The following DEK variants were observed in gnomAD, a reference collection of about 807,000 sequenced individuals.
DEK encodes the protein protein DEK.
DEK carries 28 observed loss-of-function variants against 46.8 expected under a neutral mutation model. The observed-to-expected ratio is 0.60, with a 90% CI of 0.44 to 0.82. DEK has a LOEUF of 0.82. DEK is among the 40% of genes least tolerant of loss of function. DEK has a pLI of 0.00. For synonymous variants in DEK, 160 were observed against 144.5 expected, an observed-to-expected ratio of 1.11 and a Z score of -0.77; for missense variants, 416 against 430.6, an observed-to-expected ratio of 0.97 and a Z score of 0.30.
At chr6:18,246,398 T>C (rs1791116416) in intron 7 of DEK, among the ~76,000 whole-genome samples, 1 of 152,192 alleles carries the variant, frequency 6.6e-6, no homozygotes, top group South Asian at 2.1e-4. Context: ...TTTATTTAAT[T>C]ACAAGGAAAA....
At chr6:18,255,980 A>G (rs1029348158) in intron 5 of DEK, 129 bp from the exon 6 acceptor site, 77 of 1,069,728 alleles carry the variant, frequency 7.2e-5, no homozygotes, top group Non-Finnish European at 8.1e-5. Context: ...CAATGCTTCT[A>G]TGAATCTTTT....
At position 18,225,651 on chromosome 6, in the gene DEK, T is replaced by C; in HGVS notation, c.*68A>G. 6.5e-7 allele frequency: 1 copy of C among 1,531,156 alleles called. No homozygotes were observed. The highest frequency in any genetic ancestry group is 1.2e-5 in the South Asian group (1 of 82,956). 94.8% of individuals were successfully genotyped at this position (1,531,156 alleles called of 1,614,324 possible). A position where few individuals can be genotyped will look rare whatever the true frequency, so the allele number is the denominator to read the frequency against. On this transcript the variant is annotated 3_prime_UTR_variant, in exon 11 of 11. Coordinates refer to ENST00000652689, the MANE Select transcript of DEK (RefSeq NM_003472.4). ...TTTAGAAAAGGAAATACATTCTCTTTGCTGGTATAATGGTATAAATCAGAT... is the reference window on the plus strand; with the variant it reads ...TTTAGAAAAGGAAATACATTCTCTTCGCTGGTATAATGGTATAAATCAGAT...
chr6:18,236,642 A>G (rs1425917944), intron 8 of DEK, 42 bp from the exon 9 acceptor site: 3 of 1,282,594 alleles, frequency 2.3e-6, no homozygotes, highest in African/African-American at 3.2e-5. Context: ...TACATAGTAA[A>G]TTAACATTTA....
At chr6:18,226,533 C>A (rs944185971) in intron 9 of DEK, among the ~76,000 whole-genome samples, 35 of 152,254 alleles carry the variant, frequency 2.3e-4, no homozygotes, top group African/African-American at 8.4e-4. Context: ...AATTCCAACA[C>A]TCTGGGAAAC....
intron 7 of DEK, among the ~76,000 whole-genome samples, chr6:18,248,671 T>C (rs923220164): frequency 6.6e-6 from 1 of 152,144 alleles, no homozygotes; most frequent in East Asian, 1.9e-4. Context: ...AAGACAAACA[T>C]ACATACTAAA....
intron 2 of DEK, among the ~76,000 whole-genome samples, chr6:18,261,825 A>T (rs1160806734): frequency 6.6e-6 from 1 of 152,182 alleles, no homozygotes; most frequent in Non-Finnish European, 1.5e-5. Context: ...TTAATGCTGA[A>T]ACAAGACCGG....
At position 18,252,880 on chromosome 6, in the gene DEK, C is replaced by T. The variant is rs566492844; in HGVS notation, c.573+2851G>A. 2.1e-4 allele frequency among the ~76,000 whole-genome samples: 32 copies of T among 152,274 alleles called. No individual in the cohort carries two copies. The Middle Eastern group carries it at 0.017, about 81-fold the overall frequency. On this transcript the variant is annotated intron_variant, in intron 6 of 10. Transcript: ENST00000652689. ...TGTATTCCTCACAACCACACACCAGCAGAAACAAACAAGGCAAATGGTTTC... is the reference window on the plus strand; with the variant it reads ...TGTATTCCTCACAACCACACACCAGTAGAAACAAACAAGGCAAATGGTTTC...
At chr6:18,245,478 T>G (rs1791071733) in intron 7 of DEK, among the ~76,000 whole-genome samples, 1 of 151,960 alleles carries the variant, frequency 6.6e-6, no homozygotes, top group Non-Finnish European at 1.5e-5. Flanking sequence ...TTCAGATAAA[T>G]TCTAAATACT....
At chr6:18,259,062 G>A (rs370619102) in intron 2 of DEK, among the ~76,000 whole-genome samples, 2 of 151,980 alleles carry the variant, frequency 1.3e-5, no homozygotes, top group African/African-American at 4.8e-5. Flanking sequence ...GAGGCGCGGT[G>A]GCTCATGCCT....
chr6:18,260,905 G>A (rs983088380), intron 2 of DEK, among the ~76,000 whole-genome samples: 46 of 151,144 alleles, frequency 3.0e-4, no homozygotes, highest in Non-Finnish European at 3.1e-4. Context: ...AGGATTGCTT[G>A]AGCCTGGGAG....
rs56704006 is a variant in DEK, at chr6:18,259,394, C to CAAAAAAAAAAAAAAAAAAAAAAAAA, written c.146-1014_146-990dup. Among the ~76,000 whole-genome samples the CAAAAAAAAAAAAAAAAAAAAAAAAA allele has an allele frequency of 4.8e-5, 2 of 41,478 alleles. 1 individual carries two copies. Among genetic ancestry groups the CAAAAAAAAAAAAAAAAAAAAAAAAA allele is most frequent in the Non-Finnish European group, 1.0e-4 (2 of 19,172 alleles). 27.2% of individuals were successfully genotyped at this position (41,478 alleles called of 152,430 possible). ...TGGGCGACACAGCAAGACTCCGTCTCAAAAAAAAAAAAAAAAAAAAAAAAA... is the reference window on the plus strand; with the variant it reads ...TGGGCGACACAGCAAGACTCCGTCTCAAAAAAAAAAAAAAAAAAAAAAAAAAAAAAAAAAAAAAAAAAAAAAAAAA... On this transcript the variant is annotated intron_variant, in intron 2 of 10. Coordinates refer to ENST00000652689, the MANE Select transcript of DEK (RefSeq NM_003472.4).
chr6:18,227,073 T>C (rs995049845), intron 9 of DEK, among the ~76,000 whole-genome samples: 2 of 152,200 alleles, frequency 1.3e-5, no homozygotes, highest in African/African-American at 4.8e-5. Context: ...AGCCAGGTAT[T>C]GTCCAAGGTT....
Position 18,258,309 on chromosome 6 carries a change from G to T in DEK, c.242C>A (p.Ala81Glu), listed in dbSNP as rs754332443. ...GGAAGCTAGAATAAACTTACCTTGT[G>T]CAATTGTAAATGGCTCTCTCTGTAA... ...SSLQREPFTI[A>E]QGKGQKLCEI... is the part of the protein sequence containing the mutation. The change falls in exon 3 of 11, where the codon GCA becomes GAA. Residue 81 changes from alanine to glutamate, a missense_variant. Coordinates refer to ENST00000652689, the MANE Select transcript of DEK (RefSeq NM_003472.4). The T allele has an allele frequency of 8.1e-6, 13 of 1,605,624 alleles. No individual in the cohort carries two copies. Among genetic ancestry groups the T allele is most frequent in the African/African-American group, 6.7e-5 (5 of 74,362 alleles).
chr6:18,246,729 A>G (rs779459369), intron 7 of DEK, among the ~76,000 whole-genome samples: 14 of 152,226 alleles, frequency 9.2e-5, no homozygotes, highest in Non-Finnish European at 1.8e-4. Flanking sequence ...CTCGGCTTGC[A>G]TAAGATTTCT....
intron 2 of DEK, 67 bp from the exon 3 acceptor site, chr6:18,258,472 C>G: frequency 8.1e-7 from 1 of 1,230,770 alleles, no homozygotes; most frequent in Non-Finnish European, 1.2e-6. Flanking sequence ...TTATTAGATA[C>G]ACATGTAGAA....
chr6:18,259,414 A>T (rs1280503418), intron 2 of DEK, among the ~76,000 whole-genome samples: 2 of 114,662 alleles, frequency 1.7e-5, no homozygotes, highest in Non-Finnish European at 3.5e-5. Flanking sequence ...AAAAAAAAAA[A>T]AAAAAAAAAA....
chr6:18,259,374 G>A (rs369768733), intron 2 of DEK, among the ~76,000 whole-genome samples: 5 of 102,178 alleles, frequency 4.9e-5, no homozygotes, highest in Admixed American at 1.6e-4. Context: ...CAGCCTGGGC[G>A]ACACAGCAAG....
Position 18,255,724 on chromosome 6 carries a change from T to A in DEK, c.573+7A>T, listed in dbSNP as rs759010142. Reference sequence around the variant, plus strand: ...GATTTATGAAAAAAATAAAAATTGATCCTCACTTTGCCAGAAGGCTTTGGA... The same window carrying A: ...GATTTATGAAAAAAATAAAAATTGAACCTCACTTTGCCAGAAGGCTTTGGA... On this transcript the variant is annotated splice_region_variant and intron_variant, in intron 6 of 10. Coordinates refer to ENST00000652689, the MANE Select transcript of DEK (RefSeq NM_003472.4). The A allele has an allele frequency of 2.3e-5, 36 of 1,584,998 alleles. 1 individual carries two copies. The highest frequency in any genetic ancestry group is 3.0e-5 in the Non-Finnish European group (35 of 1,172,818).
intron 7 of DEK, chr6:18,244,632 T>A: frequency 8.4e-7 from 1 of 1,190,466 alleles, no homozygotes; most frequent in Non-Finnish European, 1.1e-6. Flanking sequence ...AAAATAAAAA[T>A]TAGCTTAAAA....
Sources: gnomAD v4.1 joint callset for allele counts (sites outside exome capture counted in the v4.1 genomes callset) on GRCh38, gnomAD v4.1.1 for gene constraint, MANE v1.5 for transcripts, NCBI Gene and HGNC (gene_info 2026-07-23, HGNC 2026-07-21) for gene names.